The following TRIO variants were observed in gnomAD, a reference collection of about 807,000 sequenced individuals.
TRIO encodes the protein triple functional domain protein.
A neutral mutation model predicts 351.9 loss-of-function variants in TRIO; 58 were observed. That is an observed-to-expected ratio of 0.16 (90% confidence interval 0.13 to 0.21). The LOEUF (loss-of-function observed/expected upper bound fraction) is 0.21, where lower values mean the gene tolerates loss of function less well. Ranked by LOEUF, TRIO falls within the 10% of genes least tolerant of loss-of-function variation. The pLI is 1.00. For missense variants in TRIO, 3,201 were observed against 4,027.8 expected, an observed-to-expected ratio of 0.79 and a Z score of 5.56; for synonymous variants, 1,758 against 1,595.7, an observed-to-expected ratio of 1.10 and a Z score of -2.42.
chr5:14,481,172 AT>A (rs1755483583), intron 43 of TRIO, 61 bp from the exon 44 acceptor site: 3 of 1,537,486 alleles, frequency 2.0e-6, no homozygotes, highest in Non-Finnish European at 1.8e-6. Flanking sequence ...AAAAAAAAAA[AT>A]AAAAGGTCAG....
At chr5:14,401,125 T>C (rs887848729) in intron 31 of TRIO, 61 bp downstream of exon 31, 9 of 1,383,066 alleles carry the variant, frequency 6.5e-6, no homozygotes, top group Non-Finnish European at 8.1e-6. Context: ...CATCCATGCT[T>C]GCTTTTCCGT....
rs1741462079 is a variant in TRIO at position 14,336,836 on chromosome 5, G to A, written c.2046+109G>A. The A allele has an allele frequency of 8.4e-6, 10 of 1,191,752 alleles. No individual in the cohort carries two copies. The South Asian group carries it at 8.7e-5, about 10-fold the overall frequency. The allele number at this position is 1,191,752 out of a possible 1,614,324, so 73.8% of individuals were successfully genotyped here. On this transcript the variant is annotated intron_variant, in intron 11 of 56. Coordinates refer to ENST00000344204, the MANE Select transcript of TRIO (RefSeq NM_007118.4). ...GTGAGAAAGTGGACAAAGGTGGCAA[G>A]TTGTAAGATGTAGCCCATTAGTGCT...
chr5:14,362,529 C>G (rs913611222), intron 13 of TRIO, among the ~76,000 whole-genome samples: 2 of 152,158 alleles, frequency 1.3e-5, no homozygotes, highest in African/African-American at 4.8e-5. Context: ...GCTGAAATAA[C>G]TAGATTGGTT....
At chr5:14,188,279 T>G (rs1790243966) in intron 1 of TRIO, among the ~76,000 whole-genome samples, 1 of 152,254 alleles carries the variant, frequency 6.6e-6, no homozygotes, top group South Asian at 2.1e-4. Flanking sequence ...AATGCTGCCA[T>G]GTATTGTTCT....
chr5:14,288,307 A>G (rs1006552946), intron 4 of TRIO, among the ~76,000 whole-genome samples: 2 of 152,126 alleles, frequency 1.3e-5, no homozygotes, highest in Admixed American at 6.6e-5. Context: ...CAGTTTTTCT[A>G]TGGAACTTGT....
chr5:14,435,599 T>C (rs1399341867), intron 34 of TRIO, among the ~76,000 whole-genome samples: 1 of 152,240 alleles, frequency 6.6e-6, no homozygotes, highest in Non-Finnish European at 1.5e-5. Flanking sequence ...TAATGGTATT[T>C]CATAGTTTCC....
intron 9 of TRIO, among the ~76,000 whole-genome samples, chr5:14,318,855 T>C (rs1210584318): frequency 6.6e-6 from 1 of 152,238 alleles, no homozygotes; most frequent in African/African-American, 2.4e-5. Context: ...ATCCGTGGAC[T>C]GATGCACTTC....
intron 34 of TRIO, among the ~76,000 whole-genome samples, chr5:14,421,705 T>A (rs1028004858): frequency 1.5e-4 from 22 of 151,068 alleles, no homozygotes; most frequent in African/African-American, 5.4e-4. Flanking sequence ...ACGGAGGGCG[T>A]CTTCAACCAC....
Position 14,291,000 on chromosome 5 carries a change from G to A in TRIO, c.825G>A (p.Leu275=). Residue 275 remains leucine (L), a synonymous_variant, in exon 5 of 57, where the codon CTG becomes CTA. Coordinates refer to ENST00000344204, the MANE Select transcript of TRIO (RefSeq NM_007118.4). ...TGATTAAGGCCCCCATCGAGGACCT[G>A]GATTTGGAGGGACAGAAGCTGCTTC... ...KKVIKAPIED[L]DLEGQKLLQR... The A allele has an allele frequency of 6.2e-7, 1 of 1,614,230 alleles. No homozygotes were observed. Among genetic ancestry groups the A allele is most frequent in the Non-Finnish European group, 8.5e-7 (1 of 1,180,028 alleles).
intron 1 of TRIO, 116 bp from the exon 2 acceptor site, chr5:14,270,709 T>G (rs1424931316): frequency 1.3e-6 from 1 of 750,468 alleles, no homozygotes; most frequent in Non-Finnish European, 2.3e-6. Context: ...TCATGTTTCT[T>G]AAGTTGATTT....
chr5:14,481,500 G>T, intron 44 of TRIO, 41 bp from the exon 45 acceptor site: 1 of 1,609,832 alleles, frequency 6.2e-7, no homozygotes, highest in Non-Finnish European at 8.5e-7. Context: ...ATTTTCCCTA[G>T]AGGAACTTGA....
intron 1 of TRIO, among the ~76,000 whole-genome samples, chr5:14,185,195 T>A (rs1273366404): frequency 1.4e-5 from 2 of 139,816 alleles, no homozygotes; most frequent in Non-Finnish European, 3.1e-5. Flanking sequence ...TTCCTTCTTG[T>A]TTCTTCTAAA....
chr5:14,265,083 C>CTTT (rs199891022), intron 1 of TRIO, among the ~76,000 whole-genome samples: 16 of 137,730 alleles, frequency 1.2e-4, no homozygotes, highest in South Asian at 2.3e-4. Context: ...ATGTAGGATT[C>CTTT]TTTTTTTTTT....
At chr5:14,453,083 T>C (rs1752961643) in intron 34 of TRIO, among the ~76,000 whole-genome samples, 1 of 152,128 alleles carries the variant, frequency 6.6e-6, no homozygotes, top group South Asian at 2.1e-4. Flanking sequence ...TTTCTTTTTT[T>C]ATTTAAAAAG....
At chr5:14,474,234 G>A (rs2126565894) in intron 40 of TRIO, 137 bp downstream of exon 40, 5 of 713,768 alleles carry the variant, frequency 7.0e-6, no homozygotes, top group Middle Eastern at 5.0e-4. Context: ...GTGCAAAGGA[G>A]ATATTGATGT....
At chr5:14,390,659 C>T (rs763205155) in intron 26 of TRIO, among the ~76,000 whole-genome samples, 2 of 152,118 alleles carry the variant, frequency 1.3e-5, no homozygotes, top group Non-Finnish European at 2.9e-5. Context: ...CAGCTCTGCA[C>T]GCGTGACTGT....
chr5:14,193,707 G>C (rs1233766320), intron 1 of TRIO, among the ~76,000 whole-genome samples: 1 of 152,188 alleles, frequency 6.6e-6, no homozygotes, highest in Non-Finnish European at 1.5e-5. Flanking sequence ...TGCAAAGTCA[G>C]CTGTCAGAGA....
At chr5:14,399,153 C>T (rs759293392) in intron 30 of TRIO, 83 bp downstream of exon 30, 3 of 1,329,778 alleles carry the variant, frequency 2.3e-6, no homozygotes, top group Admixed American at 1.7e-5. Flanking sequence ...TGTTCATTGT[C>T]TTCAGTTTAA....
intron 53 of TRIO, among the ~76,000 whole-genome samples, chr5:14,500,539 G>A (rs1561566539): frequency 6.6e-6 from 1 of 152,148 alleles, no homozygotes; most frequent in Non-Finnish European, 1.5e-5. Context: ...AACTGTGTCC[G>A]AGAGAATCAT....
Sources: gnomAD v4.1 joint callset for allele counts (sites outside exome capture counted in the v4.1 genomes callset) on GRCh38, gnomAD v4.1.1 for gene constraint, MANE v1.5 for transcripts, NCBI Gene and HGNC (gene_info 2026-07-23, HGNC 2026-07-21) for gene names.